GRIA1: variants seen among roughly 807,000 people sequenced by gnomAD.
GRIA1 encodes the protein glutamate receptor 1.
Under a neutral mutation model 99.2 loss-of-function variants are expected in GRIA1, and 31 were observed. That is an observed-to-expected ratio of 0.31 (90% CI 0.23 to 0.42). GRIA1 has a LOEUF of 0.42. Among genes scored for constraint, GRIA1 ranks in the 10% least tolerant of loss-of-function variants. The pLI, the probability that GRIA1 is intolerant of heterozygous loss-of-function variation, is 1.00. For missense variants in GRIA1, 782 were observed against 1,157.5 expected, an observed-to-expected ratio of 0.68 and a Z score of 4.71; for synonymous variants, 438 against 432.4, an observed-to-expected ratio of 1.01 and a Z score of -0.16.
chr5:153,728,903 T>C, intron 11 of GRIA1, among the ~76,000 whole-genome samples: 1 of 119,538 alleles, frequency 8.4e-6, no homozygotes, highest in Admixed American at 8.9e-5. Context: ...CAAAGGACTA[T>C]AAATCATGCT....
chr5:153,664,702 C>T (rs1320583136), intron 5 of GRIA1, among the ~76,000 whole-genome samples: 1 of 152,198 alleles, frequency 6.6e-6, no homozygotes, highest in East Asian at 1.9e-4. Context: ...ATAGCATGGG[C>T]CTGACAGTGT....
chr5:153,638,544 G>A (rs907650786), intron 2 of GRIA1, among the ~76,000 whole-genome samples: 66 of 152,222 alleles, frequency 4.3e-4, no homozygotes, highest in African/African-American at 1.6e-3. Flanking sequence ...GGCGGCCCAT[G>A]CCCAAGCAAG....
chr5:153,708,716 G>A (rs925848869), intron 11 of GRIA1, among the ~76,000 whole-genome samples: 4 of 152,146 alleles, frequency 2.6e-5, no homozygotes, highest in African/African-American at 9.7e-5. Context: ...ACACTGATTT[G>A]AAAGCCTAAT....
At chr5:153,719,084 T>G (rs1467432075) in intron 11 of GRIA1, among the ~76,000 whole-genome samples, 1 of 152,266 alleles carries the variant, frequency 6.6e-6, no homozygotes, top group Non-Finnish European at 1.5e-5. Flanking sequence ...GAGGTCAGCA[T>G]TAGGTTCATT....
At chr5:153,569,384 C>A (rs904629260) in intron 2 of GRIA1, among the ~76,000 whole-genome samples, 15 of 152,170 alleles carry the variant, frequency 9.9e-5, no homozygotes, top group Non-Finnish European at 2.1e-4. Flanking sequence ...GGGTGGTAGG[C>A]AATGGATGCA....
chr5:153,793,350 C>T (rs2149658483), intron 13 of GRIA1, among the ~76,000 whole-genome samples: 1 of 152,312 alleles, frequency 6.6e-6, no homozygotes, highest in Admixed American at 6.5e-5. Context: ...CCATTGGGGA[C>T]ATCCTCCTTC....
At chr5:153,623,896 T>C (rs1461474106) in intron 2 of GRIA1, among the ~76,000 whole-genome samples, 2 of 152,310 alleles carry the variant, frequency 1.3e-5, no homozygotes, top group African/African-American at 4.8e-5. Flanking sequence ...GTCAGTAAGA[T>C]GGTAGGTGAG....
intron 11 of GRIA1, among the ~76,000 whole-genome samples, chr5:153,717,092 G>C (rs1283484346): frequency 1.3e-5 from 2 of 152,112 alleles, no homozygotes; most frequent in African/African-American, 4.8e-5. Flanking sequence ...GGGAAGTCGT[G>C]GGTTATGGTC....
chr5:153,656,865 A>G (rs1209195503), intron 5 of GRIA1, among the ~76,000 whole-genome samples: 1 of 152,202 alleles, frequency 6.6e-6, no homozygotes, highest in South Asian at 2.1e-4. Context: ...ATCATCCCCT[A>G]AGCTCCTCCA....
At chr5:153,531,902 G>A (rs947038083) in intron 2 of GRIA1, among the ~76,000 whole-genome samples, 1 of 152,088 alleles carries the variant, frequency 6.6e-6, no homozygotes, top group African/African-American at 2.4e-5. Context: ...TCACATTTAA[G>A]GACTGTGCAC....
At chr5:153,669,324 T>C (rs567124792) in intron 5 of GRIA1, among the ~76,000 whole-genome samples, 4 of 152,224 alleles carry the variant, frequency 2.6e-5, no homozygotes, top group African/African-American at 9.6e-5. Context: ...AGTTATATAA[T>C]GCATACAAAG....
intron 2 of GRIA1, among the ~76,000 whole-genome samples, chr5:153,528,088 T>A (rs1297165159): frequency 6.6e-6 from 1 of 152,192 alleles, no homozygotes; most frequent in Admixed American, 6.5e-5. Context: ...GTGTTTATGC[T>A]TGCGAAAATG....
intron 15 of GRIA1, among the ~76,000 whole-genome samples, chr5:153,809,953 C>A (rs140170052): frequency 6.6e-6 from 1 of 152,222 alleles, no homozygotes; most frequent in African/African-American, 2.4e-5. Context: ...CACCAAGAAA[C>A]CAAACCCCAC....
chr5:153,525,291 A>G (rs1420054457), intron 2 of GRIA1: 6 of 152,208 alleles, frequency 3.9e-5, no homozygotes, highest in African/African-American at 2.4e-5. Context: ...CTGGAGAACT[A>G]CTATTGACAT....
At position 153,812,086 on chromosome 5, in the gene GRIA1, G is replaced by A. The variant is rs1766853901; in HGVS notation, c.*861G>A. 6.6e-6 allele frequency: 1 copy of A among 152,112 alleles called. No individual in the cohort carries two copies. The highest frequency in any genetic ancestry group is 2.4e-5 in the African/African-American group (1 of 41,374). 9.4% of individuals were successfully genotyped at this position (152,112 alleles called of 1,614,324 possible). A position where few individuals can be genotyped will look rare whatever the true frequency, so the allele number is the denominator to read the frequency against. ...TGGCCCTGAGAAGTATGTCCTCCTG[G>A]TGTGCTCAGGCTCAACGGCAGTCTG... On this transcript the variant is annotated 3_prime_UTR_variant, in exon 16 of 16. Transcript: ENST00000285900.
chr5:153,786,792 G>T (rs534184110), intron 13 of GRIA1, among the ~76,000 whole-genome samples: 3 of 152,168 alleles, frequency 2.0e-5, no homozygotes, highest in Non-Finnish European at 4.4e-5. Context: ...GAGCAACCAG[G>T]TCTTAAAAGA....
At chr5:153,663,049 G>A (rs1274235840) in intron 5 of GRIA1, among the ~76,000 whole-genome samples, 2 of 152,030 alleles carry the variant, frequency 1.3e-5, no homozygotes, top group Non-Finnish European at 2.9e-5. Flanking sequence ...AAGGAGAGTG[G>A]GTGGATAGAA....
intron 11 of GRIA1, among the ~76,000 whole-genome samples, chr5:153,724,882 A>C (rs1289630754): frequency 6.6e-6 from 1 of 152,228 alleles, no homozygotes; most frequent in Non-Finnish European, 1.5e-5. Context: ...ATTCAGATTC[A>C]GGAAATACAG....
intron 10 of GRIA1, among the ~76,000 whole-genome samples, chr5:153,700,123 G>A (rs778087121): frequency 8.5e-5 from 13 of 152,290 alleles, no homozygotes; most frequent in Non-Finnish European, 1.8e-4. Flanking sequence ...AGTGGCTCAC[G>A]CCTATAATCC....
Sources: gnomAD v4.1 joint callset for allele counts (sites outside exome capture counted in the v4.1 genomes callset) on GRCh38, gnomAD v4.1.1 for gene constraint, MANE v1.5 for transcripts, NCBI Gene and HGNC (gene_info 2026-07-23, HGNC 2026-07-21) for gene names.